SLC2A11: variants seen among roughly 807,000 people sequenced by gnomAD.
The protein encoded by SLC2A11 is solute carrier family 2 member 11.
SLC2A11 carries 43 observed loss-of-function variants against 52.1 expected under a neutral mutation model. That is an observed-to-expected ratio of 0.82 (90% CI 0.65 to 1.06). The LOEUF is 1.06. SLC2A11 is among the 50% of genes least tolerant of loss of function. The pLI is 0.00. For missense variants in SLC2A11, 582 were observed against 654.2 expected (o/e 0.89, Z 1.20); for synonymous variants, 261 against 277.6 (o/e 0.94, Z 0.59).
chr22:23,883,332 G>A (rs1377198568), intron 8 of SLC2A11: 8 of 325,390 alleles, frequency 2.5e-5, no homozygotes, highest in African/African-American at 4.4e-5. Flanking sequence ...TTAGCCAGGC[G>A]TGGTGGTCTT....
At chr22:23,857,577 A>ACG (rs1555884637), upstream of SLC2A11, 4 of 1,169,822 alleles carry the variant, frequency 3.4e-6, no homozygotes, top group East Asian at 1.1e-4. Context: ...GTGACCCCAA[A>ACG]CCCCCCCCCC....
chr22:23,862,176 C>T lies in SLC2A11; in HGVS notation c.103C>T (p.Leu35Phe), dbSNP rs762568914. 3.7e-6 allele frequency: 6 copies of T among 1,614,036 alleles called. No individual in the cohort carries two copies. The highest frequency in any genetic ancestry group is 3.3e-5 in the South Asian group (3 of 91,080). The change falls in exon 2 of 12, where the codon CTC becomes TTC. Residue 35 changes from leucine to phenylalanine, a missense_variant. By Grantham distance (22) the Leu-to-Phe change is conservative. Coordinates refer to ENST00000316185, the MANE Select transcript of SLC2A11 (RefSeq NM_001024939.4). ...IGGTFQFGYN[L>F]SIINAPTLHI... ...TGGGACTTTTCAGTTTGGCTATAAC[C>T]TCTCTATCATCAATGCCCCGACCTT... is the stretch of plus-strand genomic sequence containing the variant.
chr22:23,861,535 C>T (rs1194605524), intron 1 of SLC2A11, among the ~76,000 whole-genome samples: 1 of 152,194 alleles, frequency 6.6e-6, no homozygotes, highest in Non-Finnish European at 1.5e-5. Flanking sequence ...GACCAGGCAC[C>T]TGGGCCATTT....
At position 23,873,331 on chromosome 22, in the gene SLC2A11, A is replaced by ATGTGTGTGTGTGTGTGTGTGTG. The variant is rs1568990950; in HGVS notation, c.291-1786_291-1785insTGTGTGTGTGTGTGTGTGTGTG. Reference sequence around the variant, plus strand: ...TGTGTGTGTGTGTGTGTGTGTGTGCACGCGTGTGTGTAGCATGGTGGGGGG... The same window carrying ATGTGTGTGTGTGTGTGTGTGTG: ...TGTGTGTGTGTGTGTGTGTGTGTGCATGTGTGTGTGTGTGTGTGTGTGCGCGTGTGTGTAGCATGGTGGGGGG... On this transcript the variant is annotated intron_variant, in intron 3 of 11. Coordinates refer to ENST00000316185, the MANE Select transcript of SLC2A11 (RefSeq NM_001024939.4). The ATGTGTGTGTGTGTGTGTGTGTG allele has an allele frequency of 2.0e-5, 3 of 150,128 alleles. No homozygotes were observed. The East Asian group carries it at 5.8e-4, about 29-fold the overall frequency. The allele number at this position is 150,128 out of a possible 1,614,324, so 9.3% of individuals were successfully genotyped here.
At chr22:23,868,277 C>T in intron 2 of SLC2A11, 1 of 586,116 alleles carries the variant, frequency 1.7e-6, no homozygotes, top group South Asian at 2.3e-5. Context: ...GAGATATTGC[C>T]CATGAAAGAA....
chr22:23,868,958 T>C (rs1236795302), intron 3 of SLC2A11: 4 of 312,814 alleles, frequency 1.3e-5, no homozygotes, highest in Non-Finnish European at 2.4e-5. Context: ...AATGCAGTTC[T>C]TGGATTTCAA....
Position 23,882,765 on chromosome 22 carries a change from G to A in SLC2A11, c.889G>A (p.Ala297Thr), listed in dbSNP as rs749559325. Residue 297 changes from alanine (A) to threonine (T), a missense_variant, in exon 8 of 12, where the codon GCC becomes ACC. By Grantham distance (58) the Ala-to-Thr change is moderately conservative. Transcript: ENST00000316185. ...MELCGNDSVY[A>T]YASSVFRKAG... ...GAAAGCCACCCTCTCCCAGGTGTACGCCTACGCCTCCTCCGTGTTCCGGAA... is the reference window on the plus strand; with the variant it reads ...GAAAGCCACCCTCTCCCAGGTGTACACCTACGCCTCCTCCGTGTTCCGGAA... The A allele has an allele frequency of 4.3e-6, 7 of 1,612,126 alleles. No individual in the cohort carries two copies. The highest frequency in any genetic ancestry group is 2.2e-5 in the East Asian group (1 of 44,726).
chr22:23,868,810 A>G (rs2032357511), intron 3 of SLC2A11, 169 bp downstream of exon 3: 5 of 737,538 alleles, frequency 6.8e-6, no homozygotes, highest in South Asian at 2.0e-5. Context: ...CACGTCTTCA[A>G]GGGTTTGGTA....
chr22:23,879,467 CTT>C (rs2032730132), intron 6 of SLC2A11: 1 of 152,006 alleles, frequency 6.6e-6, no homozygotes, highest in African/African-American at 2.4e-5. Context: ...AGTTTCACCT[CTT>C]TGCCTGGGCA....
rs915452944 is a variant in SLC2A11, at chr22:23,878,572, T to G, written c.694+703T>G. Among the ~76,000 whole-genome samples, 5 of 152,168 alleles carry G rather than the reference T, an allele frequency of 3.3e-5. No homozygotes were observed. In the East Asian group the frequency reaches 7.7e-4, roughly 23 times the overall value. On this transcript the variant is annotated intron_variant, in intron 6 of 11. Transcript: ENST00000316185. ...TTCCCTCGTGCCATTAACATTCCAT[T>G]GGCCAAAGCGAGTCAGTCATACTGC...
rs60882514 is a variant in SLC2A11, at chr22:23,884,763, A to G, written c.1414A>G (p.Lys472Glu). Residue 472 changes from lysine to glutamate, a missense_variant, in exon 12 of 12, where the codon AAG becomes GAG. By Grantham distance (56) the Lys-to-Glu change is moderately conservative. Coordinates refer to ENST00000316185, the MANE Select transcript of SLC2A11 (RefSeq NM_001024939.4). The surrounding 1 kb of genome is among the most constrained non-coding windows in gnomAD (Gnocchi z 4.3). ...AGGCAAGACCTTCCAAGAGATCTCC[A>G]AGGAATTACACAGACTCAACTTCCC... ...TKGKTFQEIS[K>E]ELHRLNFPRR... The G allele has an allele frequency of 7.1e-3, 11,401 of 1,614,096 alleles. 388 individuals are homozygous for G. In the African/African-American group the frequency reaches 0.082, roughly 12 times the overall value.
rs1213787002 is a variant in SLC2A11, at chr22:23,862,125, C to T, written c.52C>T (p.Leu18=). The change falls in exon 2 of 12, where the codon CTG becomes TTG. Residue 18 remains leucine, a synonymous_variant. Transcript: ENST00000316185. ...TCAGATTCAGGGCAGGATCCTGCTC[C>T]TGACCATCTGCGCTGCCGGCATTGG... ...SRMIQGRILL[L]TICAAGIGGT... is the part of the protein sequence containing the mutation. The T allele has an allele frequency of 1.9e-6, 3 of 1,614,202 alleles. No individual in the cohort carries two copies. Among genetic ancestry groups the T allele is most frequent in the Admixed American group, 3.3e-5 (2 of 60,032 alleles).
At chr22:23,867,934 T>C (rs1310677517) in intron 2 of SLC2A11, 3 of 332,170 alleles carry the variant, frequency 9.0e-6, no homozygotes, top group African/African-American at 6.5e-5. Flanking sequence ...TCGTGAGCCA[T>C]TGTTGCAAAT....
At chr22:23,858,888 G>A (rs533685411) in intron 1 of SLC2A11, among the ~76,000 whole-genome samples, 1 of 152,182 alleles carries the variant, frequency 6.6e-6, no homozygotes, top group South Asian at 2.1e-4. Context: ...TTTGTCTGTT[G>A]TTCACTGCTG....
chr22:23,858,178 G>T, intron 1 of SLC2A11, 149 bp downstream of exon 1: 1 of 1,218,192 alleles, frequency 8.2e-7, no homozygotes, highest in South Asian at 1.3e-5. Context: ...GGCGTTAGGT[G>T]CTAGGCTCAG....
chr22:23,864,790 G>A (rs950493885), intron 2 of SLC2A11, among the ~76,000 whole-genome samples: 1 of 152,108 alleles, frequency 6.6e-6, no homozygotes, highest in Non-Finnish European at 1.5e-5. Context: ...CTGCTGAATG[G>A]TGTTAAGTTC....
In SLC2A11 at chr22:23,886,210, T is replaced by A. The variant is rs1473503381; in HGVS notation, c.*1361T>A. ...TGCTGAGTAGTATTCCCCTCTGTGGTTAGACCATGATTTATTTATCCATCT... is the reference window on the plus strand; with the variant it reads ...TGCTGAGTAGTATTCCCCTCTGTGGATAGACCATGATTTATTTATCCATCT... On this transcript the variant is annotated 3_prime_UTR_variant, in exon 12 of 12. Transcript: ENST00000316185. The A allele has an allele frequency of 6.6e-6, 1 of 152,254 alleles. No homozygotes were observed. Among genetic ancestry groups the A allele is most frequent in the Non-Finnish European group, 1.5e-5 (1 of 68,054 alleles). The allele number at this position is 152,254 out of a possible 1,614,324, so 9.4% of individuals were successfully genotyped here.
intron 2 of SLC2A11, among the ~76,000 whole-genome samples, chr22:23,863,216 C>G (rs893659447): frequency 1.3e-5 from 2 of 152,172 alleles, no homozygotes; most frequent in African/African-American, 4.8e-5. Context: ...TGTAGAAGCC[C>G]ACCCCAGATA....
rs1456797415 is a variant in SLC2A11 at position 23,877,931 on chromosome 22, A to G, written c.694+62A>G. On this transcript the variant is annotated intron_variant, in intron 6 of 11. Transcript: ENST00000316185. ...ACCAAGGGATGCATCTCCCCAGAGT[A>G]TACGGGTCCCCATTTCATAGGTTTC... is the stretch of plus-strand genomic sequence containing the variant. 5.3e-6 allele frequency: 8 copies of G among 1,507,656 alleles called. No homozygotes were observed. In the East Asian group the frequency reaches 1.4e-4, roughly 26 times the overall value. 93.4% of individuals were successfully genotyped at this position (1,507,656 alleles called of 1,614,324 possible). A position where few individuals can be genotyped will look rare whatever the true frequency, so the allele number is the denominator to read the frequency against.
Sources: gnomAD v4.1 joint callset for allele counts (sites outside exome capture counted in the v4.1 genomes callset) on GRCh38, gnomAD v4.1.1 for gene constraint, Gnocchi (gnomAD v3.1) non-coding constraint, MANE v1.5 for transcripts, NCBI Gene and HGNC (gene_info 2026-07-23, HGNC 2026-07-21) for gene names.